The following DCLK1 variants were observed in gnomAD, a reference collection of about 807,000 sequenced individuals.
DCLK1 encodes the protein doublecortin like kinase 1, also known as serine/threonine-protein kinase DCLK1.
In DCLK1, 16 loss-of-function variants were observed where a neutral mutation model predicts 86.2. The ratio of observed to expected loss-of-function variants is 0.19; its 90% CI spans 0.13 to 0.28. The LOEUF is 0.28. Ranked by LOEUF, DCLK1 falls within the 10% of genes least tolerant of loss-of-function variation. The pLI is 1.00. For missense variants in DCLK1, 590 were observed against 940.2 expected, an observed-to-expected ratio of 0.63 and a Z score of 4.87; for synonymous variants, 369 against 370.5, an observed-to-expected ratio of 1.00 and a Z score of 0.05.
Position 35,854,610 on chromosome 13 carries a change from TCA to T in DCLK1, c.941-19_941-18del, listed in dbSNP as rs1410998910. Reference sequence around the variant, plus strand: ...TTCCATTAACTAGAAATACAAAGAATCACACACAGAGAAAAATGGCACGTTAA... The same window carrying T: ...TTCCATTAACTAGAAATACAAAGAATCACACAGAGAAAAATGGCACGTTAA... On this transcript the variant is annotated intron_variant, in intron 5 of 16. Transcript: ENST00000360631. 1.3e-6 allele frequency: 2 copies of T among 1,543,876 alleles called. 1 individual carries two copies. Among genetic ancestry groups the T allele is most frequent in the South Asian group, 2.5e-5 (2 of 80,880 alleles).
At chr13:36,003,307 G>A (rs990278196) in intron 3 of DCLK1, among the ~76,000 whole-genome samples, 4 of 63,794 alleles carry the variant, frequency 6.3e-5, no homozygotes, top group East Asian at 2.9e-4. Context: ...GTGCATGCGT[G>A]TGTGTGTGTG....
intron 3 of DCLK1, among the ~76,000 whole-genome samples, chr13:36,103,177 G>A (rs1885277496): frequency 6.6e-6 from 1 of 152,112 alleles, no homozygotes; most frequent in Non-Finnish European, 1.5e-5. Context: ...GAAGCTGGCA[G>A]ATCACTTGAG....
chr13:35,926,415 G>A lies in DCLK1; in HGVS notation c.823+20943C>T, dbSNP rs118048955. 5.0e-3 allele frequency among the ~76,000 whole-genome samples: 764 copies of A among 152,276 alleles called. 18 individuals carry two copies. The East Asian group carries it at 0.055, about 11-fold the overall frequency. On this transcript the variant is annotated intron_variant, in intron 4 of 16. Transcript: ENST00000360631. The stretch of plus-strand genomic sequence containing the variant: ...GGAGTCTTATTCCACTCAACAGTGC[G>A]CCACATGCTGGAATTTCTAAGCTTT...
At chr13:35,878,916 A>T (rs1926468) in intron 4 of DCLK1, among the ~76,000 whole-genome samples, 68,135 of 151,592 alleles carry the variant, frequency 0.45, 15,338 homozygotes, top group African/African-American at 0.48. Flanking sequence ...CTCCTGAGCC[A>T]CTGGGATTAC....
intron 3 of DCLK1, among the ~76,000 whole-genome samples, chr13:36,089,081 A>G (rs1490714858): frequency 6.6e-6 from 1 of 152,224 alleles, no homozygotes; most frequent in African/African-American, 2.4e-5. Flanking sequence ...TCTATATTCA[A>G]GTTGGAGGTG....
intron 3 of DCLK1, among the ~76,000 whole-genome samples, chr13:36,024,356 G>T (rs1881944037): frequency 6.6e-6 from 1 of 152,146 alleles, no homozygotes. Context: ...TTCACAAAAA[G>T]TCTGTTAGAA....
chr13:35,785,876 C>T (rs946044437), intron 16 of DCLK1, among the ~76,000 whole-genome samples: 2 of 152,144 alleles, frequency 1.3e-5, no homozygotes, highest in South Asian at 2.1e-4. Context: ...GTAAGGAGAG[C>T]GTGTACGTTC....
Position 35,831,119 on chromosome 13 carries a change from C to T in DCLK1, c.1230-2812G>A, listed in dbSNP as rs78469409. Among the ~76,000 whole-genome samples the T allele has an allele frequency of 4.7e-3, 710 of 152,258 alleles. 3 individuals are homozygous for T. The highest frequency in any genetic ancestry group is 7.7e-3 in the Non-Finnish European group (523 of 68,016). On this transcript the variant is annotated intron_variant, in intron 8 of 16. Transcript: ENST00000360631. ...ACCTAGGGCTTACTAGGAACAAAGA[C>T]CTTGTGGATTTCCACTATACAACCT... is the stretch of plus-strand genomic sequence containing the variant.
chr13:35,819,351 C>A (rs755423712), intron 11 of DCLK1, among the ~76,000 whole-genome samples: 2 of 152,094 alleles, frequency 1.3e-5, no homozygotes, highest in Non-Finnish European at 2.9e-5. Context: ...ATCATTCATA[C>A]AATCAATATA....
chr13:35,958,048 TC>T (rs1566620297), intron 3 of DCLK1, among the ~76,000 whole-genome samples: 3 of 11,192 alleles, frequency 2.7e-4, no homozygotes, highest in African/African-American at 1.1e-3. Context: ...ACCACCACCA[TC>T]ACCACTATAA....
chr13:35,869,322 T>A (rs1469167741), intron 5 of DCLK1, among the ~76,000 whole-genome samples: 2 of 152,172 alleles, frequency 1.3e-5, no homozygotes. Flanking sequence ...GGGGAAGGGA[T>A]CATCTTCAGA....
Position 35,836,018 on chromosome 13 carries a change from T to C in DCLK1, c.1229+15A>G. 6.4e-7 allele frequency: 1 copy of C among 1,557,838 alleles called. No homozygotes were observed. Among genetic ancestry groups the C allele is most frequent in the Non-Finnish European group, 8.8e-7 (1 of 1,134,834 alleles). On this transcript the variant is annotated intron_variant, in intron 8 of 16. Transcript: ENST00000360631. Reference sequence around the variant, plus strand: ...TGTAACCTTTAAGGTTTGATGCAAATGATATCCTTCTCACCTTTCTACACA... The same window carrying C: ...TGTAACCTTTAAGGTTTGATGCAAACGATATCCTTCTCACCTTTCTACACA...
chr13:36,057,343 A>C (rs1381400256), intron 3 of DCLK1, among the ~76,000 whole-genome samples: 1 of 152,096 alleles, frequency 6.6e-6, no homozygotes, highest in African/African-American at 2.4e-5. Context: ...TCCTGTCTTT[A>C]AAAAACCTGA....
intron 2 of DCLK1, 87 bp from the exon 3 acceptor site, chr13:36,112,302 T>C (rs1197691754): frequency 1.9e-6 from 2 of 1,058,066 alleles, no homozygotes; most frequent in Non-Finnish European, 1.3e-6. Flanking sequence ...CCTTTTCTGC[T>C]TAGGGGCAAG....
At chr13:36,123,154 T>C (rs1003459173) in intron 2 of DCLK1, among the ~76,000 whole-genome samples, 1 of 152,214 alleles carries the variant, frequency 6.6e-6, no homozygotes, top group Non-Finnish European at 1.5e-5. Flanking sequence ...GCTAATAACA[T>C]GCACTGACGT....
intron 4 of DCLK1, among the ~76,000 whole-genome samples, chr13:35,896,934 G>A (rs1216755583): frequency 6.6e-6 from 1 of 152,164 alleles, no homozygotes; most frequent in South Asian, 2.1e-4. Context: ...CACTTGCGGT[G>A]CACCTTAGAG....
intron 16 of DCLK1, among the ~76,000 whole-genome samples, chr13:35,786,053 C>T (rs2086615672): frequency 2.0e-5 from 3 of 152,022 alleles, no homozygotes; most frequent in Non-Finnish European, 2.9e-5. Flanking sequence ...ACTTTATGTG[C>T]GCAAGAAAAA....
At chr13:35,905,041 T>C (rs1874602282) in intron 4 of DCLK1, among the ~76,000 whole-genome samples, 1 of 152,236 alleles carries the variant, frequency 6.6e-6, no homozygotes, top group Admixed American at 6.5e-5. Context: ...TGGCCTGTGC[T>C]GTTCACCTCT....
chr13:35,810,495 G>A lies in DCLK1; in HGVS notation c.1688+340C>T, dbSNP rs1272291665. ...GAGACTGTAATCACCGCACACGGCAGTGTCTGTTTCTTTTATCTCCAAATG... is the reference window on the plus strand; with the variant it reads ...GAGACTGTAATCACCGCACACGGCAATGTCTGTTTCTTTTATCTCCAAATG... On this transcript the variant is annotated intron_variant, in intron 12 of 16. Coordinates refer to ENST00000360631, the MANE Select transcript of DCLK1 (RefSeq NM_001330071.2). Among the ~76,000 whole-genome samples, 3 of 152,226 alleles carry A rather than the reference G, an allele frequency of 2.0e-5. No individual in the cohort carries two copies. In the East Asian group the frequency reaches 5.8e-4, roughly 29 times the overall value.
Sources: gnomAD v4.1 joint callset for allele counts (sites outside exome capture counted in the v4.1 genomes callset) on GRCh38, gnomAD v4.1.1 for gene constraint, MANE v1.5 for transcripts, NCBI Gene and HGNC (gene_info 2026-07-23, HGNC 2026-07-21) for gene names.